Variants in AMELY observed in about 807,000 individuals in gnomAD.
AMELY encodes amelogenin, Y isoform.
AMELY carries 4 observed loss-of-function variants against 4.2 expected under a neutral mutation model. The observed-to-expected ratio is 0.96, with a 90% CI of 0.47 to 2.19. The LOEUF is 2.19. Among genes scored for constraint, AMELY ranks in the 30% most tolerant of loss-of-function variants. The probability of loss-of-function intolerance (pLI) is 0.02; values close to 1 mark genes in which losing one functional copy is unlikely to be tolerated. For synonymous variants in AMELY, 11 were observed against 14.7 expected, an observed-to-expected ratio of 0.75 and a Z score of 0.57; for missense variants, 32 against 41.5, an observed-to-expected ratio of 0.77 and a Z score of 0.63.
chrY:6,899,754 C>T lies in AMELY; in HGVS notation c.-113+11919G>A. On this transcript the variant is annotated intron_variant, in intron 1 of 6. Transcript: ENST00000651267. ...GTCTCAAAAAAAAGGAAAAAAAAAT[C>T]AGCTTGATTCCACTTGGCACGGTGG... Among the ~76,000 whole-genome samples the T allele has an allele frequency of 9.8e-5, 3 of 30,684 alleles. No individual in the cohort carries two copies. The South Asian group carries it at 2.3e-3, about 24-fold the overall frequency. 82.3% of individuals were successfully genotyped at this position (30,684 alleles called of 37,273 possible). A position where few individuals can be genotyped will look rare whatever the true frequency, so the allele number is the denominator to read the frequency against.
intron 1 of AMELY, among the ~76,000 whole-genome samples, chrY:6,884,558 A>G: frequency 3.0e-5 from 1 of 33,046 alleles, no homozygotes; most frequent in Non-Finnish European, 7.4e-5. Flanking sequence ...AGCAAGACCC[A>G]GCAGTATACT....
chrY:6,885,336 G>A (rs369192505), intron 1 of AMELY, among the ~76,000 whole-genome samples: 12 of 33,789 alleles, frequency 3.6e-4, no homozygotes, highest in Admixed American at 8.0e-4. Context: ...TTAGCTGGGC[G>A]TGGTGGTGGA....
chrY:6,879,027 A>T, intron 1 of AMELY, among the ~76,000 whole-genome samples: 1 of 33,640 alleles, frequency 3.0e-5, no homozygotes, highest in Non-Finnish European at 7.4e-5. Flanking sequence ...GATTTATAAT[A>T]CTTTGGGTAT....
chrY:6,898,683 C>T (rs748715861), intron 1 of AMELY, among the ~76,000 whole-genome samples: 2 of 33,636 alleles, frequency 5.9e-5, no homozygotes, highest in South Asian at 1.4e-3. Context: ...ATGTGAACAT[C>T]CTGAGGTCCA....
chrY:6,898,349 G>A (rs2054087322), intron 1 of AMELY, among the ~76,000 whole-genome samples: 1 of 33,834 alleles, frequency 3.0e-5, no homozygotes, highest in Non-Finnish European at 7.3e-5. Flanking sequence ...CCTATGATCT[G>A]CTGTCTGCAA....
intron 1 of AMELY, among the ~76,000 whole-genome samples, chrY:6,885,712 T>C: frequency 1.5e-4 from 5 of 34,457 alleles, no homozygotes; most frequent in African/African-American, 5.7e-4. Flanking sequence ...AATGAAATTA[T>C]TCTTTGCAGC....
At chrY:6,868,523 G>A in intron 5 of AMELY, 61 bp from the exon 6 acceptor site, 21 of 379,678 alleles carry the variant, frequency 5.5e-5, no homozygotes, top group Admixed American at 7.6e-5. Context: ...CAGAGAAGCA[G>A]CAGTGTTGTC....
In AMELY at chrY:6,868,415, T is replaced by C; in HGVS notation, c.195A>G (p.Gln65=). The C allele has an allele frequency of 2.5e-6, 1 of 398,105 alleles. No individual in the cohort carries two copies. The highest frequency in any genetic ancestry group is 9.2e-5 in the East Asian group (1 of 10,816). ...YEPMGGWLHH[Q]IIPVVSQQHP... ...GCTGTTGGGACACCACGGGGATGAT[T>C]TGGTGGTGCAGCCATCCACCCATGG... The change falls in exon 6 of 7, where the codon CAA becomes CAG. Residue 65 remains glutamine, a synonymous_variant. Coordinates refer to ENST00000651267, the MANE Select transcript of AMELY (RefSeq NM_001143.2).
At chrY:6,882,734 T>G (rs73613002) in intron 1 of AMELY, among the ~76,000 whole-genome samples, 6,734 of 31,919 alleles carry the variant, frequency 0.21, no homozygotes, top group African/African-American at 0.68. Context: ...TACAATCAAT[T>G]TAAACAAATT....
chrY:6,880,686 A>C, intron 1 of AMELY, among the ~76,000 whole-genome samples: 1 of 32,990 alleles, frequency 3.0e-5, no homozygotes, highest in African/African-American at 1.2e-4. Context: ...TAGGCTATTA[A>C]TTGCTGCCTT....
intron 1 of AMELY, among the ~76,000 whole-genome samples, chrY:6,896,653 T>C (rs2054086389): frequency 3.0e-5 from 1 of 32,900 alleles, no homozygotes; most frequent in Non-Finnish European, 7.4e-5. Context: ...CTGAGCAACA[T>C]AGTGAGAACC....
intron 1 of AMELY, among the ~76,000 whole-genome samples, chrY:6,877,370 G>A (rs942910755): frequency 5.5e-4 from 18 of 32,872 alleles, no homozygotes; most frequent in African/African-American, 2.0e-3. Context: ...CCAGGAGCCC[G>A]GAAATATCCT....
intron 1 of AMELY, among the ~76,000 whole-genome samples, chrY:6,889,209 A>G (rs2054081769): frequency 3.1e-5 from 1 of 32,748 alleles, no homozygotes; most frequent in African/African-American, 1.2e-4. Flanking sequence ...CTCAAAAATA[A>G]AAATAAATAA....
chrY:6,883,452 A>G (rs2054076549), intron 1 of AMELY, among the ~76,000 whole-genome samples: 1 of 32,232 alleles, frequency 3.1e-5, no homozygotes, highest in African/African-American at 1.2e-4. Flanking sequence ...GGGGTGGGGA[A>G]TAGGGGAGGG....
chrY:6,904,612 C>T (rs2124085350), intron 1 of AMELY, among the ~76,000 whole-genome samples: 2 of 33,451 alleles, frequency 6.0e-5, no homozygotes, highest in African/African-American at 2.3e-4. Context: ...CATTGCAGGA[C>T]GGGGGAGAGA....
chrY:6,895,391 C>A, intron 1 of AMELY, among the ~76,000 whole-genome samples: 1 of 33,380 alleles, frequency 3.0e-5, no homozygotes, highest in African/African-American at 1.2e-4. Flanking sequence ...TCCTTACCCA[C>A]CCCCTTCCTC....
intron 1 of AMELY, among the ~76,000 whole-genome samples, chrY:6,887,624 T>C (rs1406246600): frequency 3.1e-5 from 1 of 32,608 alleles, no homozygotes; most frequent in Non-Finnish European, 7.5e-5. Flanking sequence ...ATTATCTAAG[T>C]TTTAAGCCCT....
At chrY:6,888,374 G>C (rs2054081222) in intron 1 of AMELY, among the ~76,000 whole-genome samples, 3 of 33,139 alleles carry the variant, frequency 9.1e-5, no homozygotes, top group Non-Finnish European at 2.2e-4. Flanking sequence ...AGATTTGAAA[G>C]AAATTATTTA....
chrY:6,869,830 C>G, intron 4 of AMELY, 176 bp downstream of exon 4: 1 of 196,629 alleles, frequency 5.1e-6, no homozygotes, highest in Non-Finnish European at 9.5e-6. Flanking sequence ...TGGAGCAACA[C>G]AGGCTTGAGG....
Sources: gnomAD v4.1 joint callset for allele counts (sites outside exome capture counted in the v4.1 genomes callset) on GRCh38, gnomAD v4.1.1 for gene constraint, MANE v1.5 for transcripts, NCBI Gene and HGNC (gene_info 2026-07-23, HGNC 2026-07-21) for gene names.